The following DENND1A variants were observed in gnomAD, a reference collection of about 807,000 sequenced individuals.
DENND1A encodes the protein DENN domain-containing protein 1A.
In DENND1A, 51 loss-of-function variants were observed where a neutral mutation model predicts 113.7. That is an observed-to-expected ratio of 0.45 (90% CI 0.36 to 0.57). DENND1A has a LOEUF of 0.57. DENND1A is among the 20% of genes least tolerant of loss of function. DENND1A has a pLI of 0.00. For synonymous variants in DENND1A, 565 were observed against 570.8 expected, an observed-to-expected ratio of 0.99 and a Z score of 0.14; for missense variants, 1,258 against 1,395.9, an observed-to-expected ratio of 0.90 and a Z score of 1.57.
intron 13 of DENND1A, among the ~76,000 whole-genome samples, chr9:123,491,120 C>T (rs1048284527): frequency 5.9e-5 from 9 of 152,156 alleles, no homozygotes; most frequent in African/African-American, 2.2e-4. Context: ...AGCAATGATC[C>T]GGTGTTATGT....
At chr9:123,816,703 A>C (rs1439233241) in intron 2 of DENND1A, among the ~76,000 whole-genome samples, 1 of 152,234 alleles carries the variant, frequency 6.6e-6, no homozygotes, top group African/African-American at 2.4e-5. Context: ...TAGTGCCTTG[A>C]ATAGGACCAA....
At chr9:123,567,478 T>C (rs1044816471) in intron 12 of DENND1A, among the ~76,000 whole-genome samples, 1 of 152,166 alleles carries the variant, frequency 6.6e-6, no homozygotes, top group South Asian at 2.1e-4. Flanking sequence ...CAAAATGGAC[T>C]GCAAACCAAA....
chr9:123,553,743 A>T (rs2057262296), intron 13 of DENND1A, among the ~76,000 whole-genome samples: 1 of 152,072 alleles, frequency 6.6e-6, no homozygotes, highest in Non-Finnish European at 1.5e-5. Context: ...GTGCTTTCTC[A>T]TTTCTAGTCC....
At chr9:123,918,138 TAAAAG>T (rs1564505085) in intron 1 of DENND1A, among the ~76,000 whole-genome samples, 1 of 148,260 alleles carries the variant, frequency 6.7e-6, no homozygotes, top group Non-Finnish European at 1.5e-5. Context: ...AATAAATAAA[TAAAAG>T]AAAAGAAACT....
At chr9:123,928,174 A>G (rs1857416743) in intron 1 of DENND1A, among the ~76,000 whole-genome samples, 1 of 152,248 alleles carries the variant, frequency 6.6e-6, no homozygotes, top group Non-Finnish European at 1.5e-5. Flanking sequence ...CACAAAACAC[A>G]TTTGAGAAAT....
chr9:123,394,092 A>G (rs2042995344), intron 21 of DENND1A, among the ~76,000 whole-genome samples: 1 of 152,016 alleles, frequency 6.6e-6, no homozygotes. Flanking sequence ...CATGTGTTCA[A>G]GCGATTCTCC....
At chr9:123,663,838 AAACTT>A in intron 8 of DENND1A, among the ~76,000 whole-genome samples, 1 of 151,572 alleles carries the variant, frequency 6.6e-6, no homozygotes, top group East Asian at 1.9e-4. Flanking sequence ...GTAAGTTTTG[AAACTT>A]AACAACAAAA....
chr9:123,536,810 C>T (rs1394038351), intron 13 of DENND1A, among the ~76,000 whole-genome samples: 1 of 152,098 alleles, frequency 6.6e-6, no homozygotes, highest in Non-Finnish European at 1.5e-5. Context: ...GGGAAGGGAA[C>T]CCACAAAACA....
At chr9:123,668,927 T>C (rs527431771) in intron 7 of DENND1A, among the ~76,000 whole-genome samples, 7 of 152,342 alleles carry the variant, frequency 4.6e-5, no homozygotes, top group African/African-American at 1.7e-4. Flanking sequence ...AGAAGTTTAG[T>C]TGAGTAACAA....
chr9:123,470,233 A>G (rs2049288217), intron 13 of DENND1A, among the ~76,000 whole-genome samples: 1 of 152,066 alleles, frequency 6.6e-6, no homozygotes, highest in Non-Finnish European at 1.5e-5. Flanking sequence ...GCAAGGTGAG[A>G]GCTGACATGA....
In DENND1A at chr9:123,380,132, C is replaced by T. The variant is rs977241418; in HGVS notation, c.*1300G>A. 1 of 152,210 alleles carries T rather than the reference C, an allele frequency of 6.6e-6. No homozygotes were observed. The allele number at this position is 152,210 out of a possible 1,614,324, so 9.4% of individuals were successfully genotyped here. ...TGTCCCCCAGACACCCCTGGGTAGA[C>T]TGTGTCTGACCCTTCACAAATAGGA... On this transcript the variant is annotated 3_prime_UTR_variant, in exon 24 of 24. Transcript: ENST00000394215.
intron 5 of DENND1A, among the ~76,000 whole-genome samples, chr9:123,744,770 CTTTTTTTT>C (rs57945475): frequency 1.2e-4 from 12 of 102,716 alleles, no homozygotes; most frequent in Non-Finnish European, 1.6e-4. Context: ...TATATTAGCT[CTTTTTTTT>C]TTTTTTTTTT....
At chr9:123,687,248 G>T (rs192994222) in intron 5 of DENND1A, among the ~76,000 whole-genome samples, 2 of 152,222 alleles carry the variant, frequency 1.3e-5, no homozygotes, top group East Asian at 3.9e-4. Context: ...CCCCCCCAGC[G>T]ATCAGAGAGC....
intron 1 of DENND1A, among the ~76,000 whole-genome samples, chr9:123,929,499 G>A (rs989725129): frequency 1.3e-5 from 2 of 152,148 alleles, no homozygotes; most frequent in African/African-American, 2.4e-5. Context: ...AACCTCTCCG[G>A]ACCTGCCAAC....
At chr9:123,439,885 A>G (rs528284355) in intron 19 of DENND1A, 1 of 152,380 alleles carries the variant, frequency 6.6e-6, no homozygotes, top group East Asian at 1.9e-4. Flanking sequence ...TTGAATCTCT[A>G]GAATTGTAGC....
At chr9:123,648,578 T>A (rs988676802) in intron 9 of DENND1A, among the ~76,000 whole-genome samples, 14 of 152,226 alleles carry the variant, frequency 9.2e-5, no homozygotes, top group African/African-American at 3.1e-4. Context: ...TCAGTTTTTT[T>A]ATATGGCAAA....
intron 17 of DENND1A, 91 bp from the exon 18 acceptor site, chr9:123,450,840 G>C: frequency 2.0e-6 from 2 of 1,022,830 alleles, no homozygotes; most frequent in South Asian, 3.3e-5. Flanking sequence ...CACCTTCTCT[G>C]ATTACTAGAA....
At chr9:123,388,036 T>G (rs1464724745) in intron 21 of DENND1A, among the ~76,000 whole-genome samples, 178 bp from the exon 22 acceptor site, 1 of 152,126 alleles carries the variant, frequency 6.6e-6, no homozygotes, top group African/African-American at 2.4e-5. Flanking sequence ...AAACTAAATT[T>G]GCCACGTGTC....
intron 2 of DENND1A, among the ~76,000 whole-genome samples, chr9:123,818,519 T>TACACACACACACAC: frequency 8.9e-6 from 1 of 112,300 alleles, no homozygotes; most frequent in East Asian, 2.7e-4. Flanking sequence ...TACATACATA[T>TACACACACACACAC]ACACACACAC....
Sources: allele counts gnomAD v4.1 joint callset (sites outside exome capture counted in the v4.1 genomes callset), GRCh38; gene constraint gnomAD v4.1.1; transcripts MANE v1.5; gene names NCBI Gene and HGNC (gene_info 2026-07-23, HGNC 2026-07-21).